MDGA1: variants seen among roughly 807,000 people sequenced by gnomAD.
The protein encoded by MDGA1 is MAM domain-containing glycosylphosphatidylinositol anchor protein 1.
A neutral mutation model predicts 101.5 loss-of-function variants in MDGA1; 54 were observed. The ratio of observed to expected loss-of-function variants is 0.53; its 90% confidence interval spans 0.43 to 0.67. MDGA1 has a LOEUF of 0.67. MDGA1 is among the 30% of genes least tolerant of loss of function. The pLI is 0.00. For missense variants in MDGA1, 1,083 were observed against 1,323.8 expected (o/e 0.82, Z 2.82); for synonymous variants, 533 against 558.3 (o/e 0.95, Z 0.64).
At chr6:37,685,812 T>C (rs1297173490) in intron 1 of MDGA1, among the ~76,000 whole-genome samples, 2 of 152,198 alleles carry the variant, frequency 1.3e-5, no homozygotes, top group Middle Eastern at 3.4e-3. Context: ...CTGTCTTTCC[T>C]CAGGTCTCTT....
chr6:37,678,127 CA>C (rs752513978), intron 1 of MDGA1, among the ~76,000 whole-genome samples: 5 of 152,142 alleles, frequency 3.3e-5, no homozygotes, highest in African/African-American at 4.8e-5. Flanking sequence ...CTCCAGCAGC[CA>C]ACTTTCACTG....
chr6:37,677,679 T>TC (rs1302903992), intron 1 of MDGA1, among the ~76,000 whole-genome samples: 7 of 152,050 alleles, frequency 4.6e-5, no homozygotes, highest in Non-Finnish European at 4.4e-5. Flanking sequence ...GGGCTTCTTT[T>TC]TTTTCTATGA....
Position 37,652,220 on chromosome 6 carries a change from G to A in MDGA1, c.1103C>T (p.Thr368Ile). The A allele has an allele frequency of 1.2e-6, 2 of 1,614,030 alleles. No homozygotes were observed. The highest frequency in any genetic ancestry group is 3.3e-5 in the Admixed American group (2 of 60,030). ...CTTGCCATTCTTGAACCACTGGTAG[G>A]TCACCTTCTCCTGGGGCACTGCATC... is the stretch of plus-strand genomic sequence containing the variant. ...HVDAVPQEKV[T>I]YQWFKNGKPA... is the part of the protein sequence containing the mutation. The change falls in exon 7 of 17, where the codon ACC (threonine) becomes ATC (isoleucine). Residue 368 changes from threonine (T) to isoleucine (I), a missense_variant. Transcript: ENST00000434837. The surrounding 1 kb of genome is among the most constrained non-coding windows in gnomAD (Gnocchi z 4.3).
rs1764162202 is a variant in MDGA1 at position 37,644,090 on chromosome 6, CCCACACA to C, written c.2402-154_2402-148del. On this transcript the variant is annotated intron_variant, in intron 13 of 16. Coordinates refer to ENST00000434837, the MANE Select transcript of MDGA1 (RefSeq NM_153487.4). ...CCTCACCCCACGCATCCTGCCTCACCCCACACATCCTGCCTCACCCCACGCATCCTGC... is the reference window on the plus strand; with the variant it reads ...CCTCACCCCACGCATCCTGCCTCACCTCCTGCCTCACCCCACGCATCCTGC... 7 of 529,994 alleles carry C rather than the reference CCCACACA, an allele frequency of 1.3e-5. No individual in the cohort carries two copies. The African/African-American group carries it at 1.4e-4, about 11-fold the overall frequency. The allele number at this position is 529,994 out of a possible 1,614,324, so 32.8% of individuals were successfully genotyped here.
chr6:37,649,802 G>C lies in MDGA1; in HGVS notation c.1609+307C>G. The C allele has an allele frequency of 5.0e-6, 3 of 594,318 alleles. No individual in the cohort carries two copies. In the Admixed American group the frequency reaches 6.6e-5, roughly 13 times the overall value. The allele number at this position is 594,318 out of a possible 1,614,324, so 36.8% of individuals were successfully genotyped here. On this transcript the variant is annotated intron_variant, in intron 8 of 16. Transcript: ENST00000434837. ...GGTAATTTTCATCATCCTGTTATCAGACAGTGTTTCCCTTGAGTGTCCTTC... is the reference window on the plus strand; with the variant it reads ...GGTAATTTTCATCATCCTGTTATCACACAGTGTTTCCCTTGAGTGTCCTTC...
chr6:37,658,197 C>T (rs779703443), intron 3 of MDGA1, 48 bp downstream of exon 3: 3 of 1,497,502 alleles, frequency 2.0e-6, no homozygotes, highest in African/African-American at 1.4e-5. Context: ...CGCCCTCTGG[C>T]CCGGGCTGGG....
intron 1 of MDGA1, among the ~76,000 whole-genome samples, chr6:37,666,230 C>T (rs1156380965): frequency 4.0e-5 from 6 of 150,212 alleles, no homozygotes; most frequent in African/African-American, 1.2e-4. Flanking sequence ...CATGGTGGTG[C>T]GTACCTGTAA....
At chr6:37,661,174 C>T (rs1761614983) in intron 2 of MDGA1, among the ~76,000 whole-genome samples, 1 of 152,180 alleles carries the variant, frequency 6.6e-6, no homozygotes, top group African/African-American at 2.4e-5. Flanking sequence ...TTCCAGCTCC[C>T]AGCCATGGAT....
chr6:37,658,890 G>T (rs1761557301), intron 2 of MDGA1, among the ~76,000 whole-genome samples: 1 of 146,690 alleles, frequency 6.8e-6, no homozygotes, highest in South Asian at 2.2e-4. Context: ...AGAATAGCTT[G>T]AACCCGGGAG....
At chr6:37,670,827 G>C (rs1302961565) in intron 1 of MDGA1, among the ~76,000 whole-genome samples, 5 of 151,438 alleles carry the variant, frequency 3.3e-5, no homozygotes, top group Non-Finnish European at 7.3e-5. Flanking sequence ...CATTGGCAGA[G>C]AAGGAGACCA....
At position 37,638,116 on chromosome 6, in the gene MDGA1, A is replaced by T; in HGVS notation, c.2776+89T>A. ...TCAGACATTCTGAACCCCTATTCAG[A>T]CCCAAACACCCTCCCTCAACAGACA... On this transcript the variant is annotated intron_variant, in intron 16 of 16. Coordinates refer to ENST00000434837, the MANE Select transcript of MDGA1 (RefSeq NM_153487.4). The surrounding 1 kb of genome is among the most constrained non-coding windows in gnomAD (Gnocchi z 4.8). 1 of 1,066,338 alleles carries T rather than the reference A, an allele frequency of 9.4e-7. No homozygotes were observed. Among genetic ancestry groups the T allele is most frequent in the Non-Finnish European group, 1.4e-6 (1 of 697,862 alleles). The allele number at this position is 1,066,338 out of a possible 1,614,324, so 66.1% of individuals were successfully genotyped here. A position where few individuals can be genotyped will look rare whatever the true frequency, so the allele number is the denominator to read the frequency against.
chr6:37,638,382 G>T lies in MDGA1; in HGVS notation c.2668-69C>A. 1 of 1,502,718 alleles carries T rather than the reference G, an allele frequency of 6.7e-7. No homozygotes were observed. Among genetic ancestry groups the T allele is most frequent in the Non-Finnish European group, 9.1e-7 (1 of 1,101,712 alleles). 93.1% of individuals were successfully genotyped at this position (1,502,718 alleles called of 1,614,324 possible). ...CTGCTGGGTACCAGAGTGCTCCCTC[G>T]ACCCCACCTTTCCCCTTAATCTACC... On this transcript the variant is annotated intron_variant, in intron 15 of 16. Transcript: ENST00000434837. This position sits in a 1 kb window ranked among gnomAD's most constrained non-coding sequence, Gnocchi z 4.8.
intron 1 of MDGA1, among the ~76,000 whole-genome samples, chr6:37,688,027 TCA>T (rs1410177596): frequency 6.6e-6 from 1 of 152,158 alleles, no homozygotes; most frequent in African/African-American, 2.4e-5. Flanking sequence ...GCCTCCTTGC[TCA>T]CAGTTTAGAA....
In MDGA1 at chr6:37,644,466, C is replaced by A. The variant is rs765706480; in HGVS notation, c.2401+31G>T. The A allele has an allele frequency of 7.3e-6, 11 of 1,513,290 alleles. No individual in the cohort carries two copies. The African/African-American group carries it at 1.6e-4, about 21-fold the overall frequency. The allele number at this position is 1,513,290 out of a possible 1,614,324, so 93.7% of individuals were successfully genotyped here. The stretch of plus-strand genomic sequence containing the variant: ...GCCTAGACACCCCCCTGAAGCAATC[C>A]TCCATTTCTGGCAGCAGGCCAGGTC... On this transcript the variant is annotated intron_variant, in intron 13 of 16. Transcript: ENST00000434837.
At chr6:37,665,991 C>G (rs542569224) in intron 1 of MDGA1, among the ~76,000 whole-genome samples, 1 of 152,214 alleles carries the variant, frequency 6.6e-6, no homozygotes, top group African/African-American at 2.4e-5. Context: ...TCAGTCTCTG[C>G]CAGAGGCTAC....
At chr6:37,677,658 T>A (rs568911342) in intron 1 of MDGA1, among the ~76,000 whole-genome samples, 2 of 148,242 alleles carry the variant, frequency 1.3e-5, no homozygotes, top group African/African-American at 4.9e-5. Context: ...GGTTAATGTT[T>A]GATGGTCATT....
rs1449877002 is a variant in MDGA1 at position 37,644,790 on chromosome 6, T to A, written c.2249-141A>T. The A allele has an allele frequency of 4.5e-6, 4 of 896,288 alleles. No homozygotes were observed. In the Admixed American group the frequency reaches 1.6e-4, roughly 35 times the overall value. 55.5% of individuals were successfully genotyped at this position (896,288 alleles called of 1,614,324 possible). ...ATTCCGGGCTTCAAAAGACCAGGCA[T>A]GGGGCCCATAACAAATTTCTTGCCA... On this transcript the variant is annotated intron_variant, in intron 12 of 16. Coordinates refer to ENST00000434837, the MANE Select transcript of MDGA1 (RefSeq NM_153487.4).
intron 13 of MDGA1, 69 bp downstream of exon 13, chr6:37,644,428 T>C (rs1764175480): frequency 7.1e-7 from 1 of 1,411,850 alleles, no homozygotes; most frequent in South Asian, 1.6e-5. Flanking sequence ...ATCCCCAGTC[T>C]GGGGTGCCCT....
At chr6:37,667,253 C>T (rs60051448) in intron 1 of MDGA1, among the ~76,000 whole-genome samples, 4,248 of 152,254 alleles carry the variant, frequency 0.028, 167 homozygotes, top group African/African-American at 0.09. Flanking sequence ...GCTACCAACC[C>T]AGAGTCTGAG....
Sources: gnomAD v4.1 joint callset for allele counts (sites outside exome capture counted in the v4.1 genomes callset) on GRCh38, gnomAD v4.1.1 for gene constraint, Gnocchi (gnomAD v3.1) non-coding constraint, MANE v1.5 for transcripts, NCBI Gene and HGNC (gene_info 2026-07-23, HGNC 2026-07-21) for gene names.